Variants in TSHZ1 observed in about 807,000 individuals in gnomAD.
TSHZ1 encodes the protein teashirt zinc finger homeobox 1.
In TSHZ1, 12 loss-of-function variants were observed where a neutral mutation model predicts 67.1. The ratio of observed to expected loss-of-function variants is 0.18; its 90% CI spans 0.11 to 0.29. The LOEUF (loss-of-function observed/expected upper bound fraction) is 0.29, where lower values mean the gene tolerates loss of function less well. Ranked by LOEUF, TSHZ1 falls within the 10% of genes least tolerant of loss-of-function variation. TSHZ1 has a pLI of 1.00. For missense variants in TSHZ1, 1,305 were observed against 1,413.9 expected, an observed-to-expected ratio of 0.92 and a Z score of 1.23; for synonymous variants, 632 against 622.4, an observed-to-expected ratio of 1.02 and a Z score of -0.23.
At chr18:75,239,374 T>C (rs980166857) in intron 1 of TSHZ1, among the ~76,000 whole-genome samples, 1 of 152,260 alleles carries the variant, frequency 6.6e-6, no homozygotes, top group African/African-American at 2.4e-5. Context: ...GATTTCATTA[T>C]GGAAGAATAC....
In TSHZ1 at chr18:75,287,761, C is replaced by T. The variant is rs772759090; in HGVS notation, c.2354C>T (p.Pro785Leu). The part of the protein sequence containing the change: ...YKISNSMLDK[P>L]VYPATPVKQA... ...ATCAGCAACAGCATGCTGGACAAGC[C>T]GGTGTACCCCGCCACCCCTGTGAAG... Residue 785 changes from proline (P) to leucine (L), a missense_variant, in exon 2 of 2, where the codon CCG becomes CTG. Transcript: ENST00000580243. The surrounding 1 kb of genome is among the most constrained non-coding windows in gnomAD (Gnocchi z 5.0). 1.3e-5 allele frequency: 21 copies of T among 1,614,078 alleles called. No homozygotes were observed. The highest frequency in any genetic ancestry group is 9.9e-5 in the South Asian group (9 of 91,084).
chr18:75,274,734 A>G (rs990814361), intron 1 of TSHZ1, among the ~76,000 whole-genome samples: 1 of 152,066 alleles, frequency 6.6e-6, no homozygotes, highest in Non-Finnish European at 1.5e-5. Context: ...TGCCAAAGTA[A>G]TTTTTTTTAA....
At chr18:75,248,356 G>A (rs532059022) in intron 1 of TSHZ1, among the ~76,000 whole-genome samples, 2 of 152,308 alleles carry the variant, frequency 1.3e-5, no homozygotes, top group Admixed American at 1.3e-4. Flanking sequence ...GAAGGTGATC[G>A]AAGTGTATTC....
chr18:75,236,650 G>T (rs1414900944), intron 1 of TSHZ1, among the ~76,000 whole-genome samples: 2 of 152,128 alleles, frequency 1.3e-5, no homozygotes, highest in Non-Finnish European at 2.9e-5. Context: ...TTCATTGCCT[G>T]TACAGGTAGT....
In TSHZ1 at chr18:75,287,192, C is replaced by T. The variant is rs763243909; in HGVS notation, c.1785C>T (p.Ala595=). 23 of 1,613,338 alleles carry T rather than the reference C, an allele frequency of 1.4e-5. No individual in the cohort carries two copies. The highest frequency in any genetic ancestry group is 5.3e-5 in the African/African-American group (4 of 74,924). The change falls in exon 2 of 2, where the codon GCC becomes GCT. Residue 595 remains alanine, a synonymous_variant. Transcript: ENST00000580243. The surrounding 1 kb of genome is among the most constrained non-coding windows in gnomAD (Gnocchi z 5.0). ...LPGTVKPLPA[A]VQSVQVQPSY... is the part of the protein sequence containing the mutation. ...GCACCGTGAAGCCACTGCCGGCGGC[C>T]GTGCAGAGCGTGCAGGTGCAGCCGT...
At chr18:75,223,177 G>A (rs551165635) in intron 1 of TSHZ1, among the ~76,000 whole-genome samples, 8 of 152,148 alleles carry the variant, frequency 5.3e-5, no homozygotes, top group Admixed American at 1.3e-4. Flanking sequence ...GAGTGGAGGC[G>A]GTACAAGGGA....
chr18:75,212,940 T>C (rs1269048724), intron 1 of TSHZ1, among the ~76,000 whole-genome samples: 1 of 152,206 alleles, frequency 6.6e-6, no homozygotes, highest in African/African-American at 2.4e-5. Flanking sequence ...TGCCAGTGAG[T>C]TATCGCTAAA....
At chr18:75,260,722 A>G (rs757037651) in intron 1 of TSHZ1, among the ~76,000 whole-genome samples, 1 of 152,102 alleles carries the variant, frequency 6.6e-6, no homozygotes, top group Non-Finnish European at 1.5e-5. Context: ...GATGCTCCTC[A>G]GTTTTGCCTT....
chr18:75,277,884 A>G (rs571488266), intron 1 of TSHZ1, among the ~76,000 whole-genome samples: 8 of 152,336 alleles, frequency 5.3e-5, no homozygotes, highest in African/African-American at 1.4e-4. Flanking sequence ...CATTGTTCCA[A>G]TGGGGACAGT....
chr18:75,234,264 C>G (rs552092806), intron 1 of TSHZ1, among the ~76,000 whole-genome samples: 3 of 152,262 alleles, frequency 2.0e-5, no homozygotes, highest in Admixed American at 2.0e-4. Context: ...TCCCTGCGCA[C>G]CTACTCCCTG....
intron 1 of TSHZ1, among the ~76,000 whole-genome samples, chr18:75,266,643 A>G (rs1480688562): frequency 6.6e-6 from 1 of 152,224 alleles, no homozygotes; most frequent in African/African-American, 2.4e-5. Flanking sequence ...AAAATTGAAC[A>G]GCTTAAATTT....
Position 75,287,265 on chromosome 18 carries a change from C to G in TSHZ1, c.1858C>G (p.Leu620Val). 1 of 1,614,018 alleles carries G rather than the reference C, an allele frequency of 6.2e-7. No individual in the cohort carries two copies. Among genetic ancestry groups the G allele is most frequent in the Non-Finnish European group, 8.5e-7 (1 of 1,179,992 alleles). ...KSLSSAEHNALLHSPGSLTPP... is the reference protein window; with the variant it reads ...KSLSSAEHNAVLHSPGSLTPP... ...GCTGTCTTCCGCCGAGCACAACGCC[C>G]TCCTGCACTCCCCAGGGAGCCTCAC... Residue 620 changes from leucine (L) to valine (V), a missense_variant, in exon 2 of 2, where the codon CTC becomes GTC. Coordinates refer to ENST00000580243, the MANE Select transcript of TSHZ1 (RefSeq NM_001308210.2). This position sits in a 1 kb window ranked among gnomAD's most constrained non-coding sequence, Gnocchi z 5.0.
At chr18:75,214,029 A>G (rs1307204059) in intron 1 of TSHZ1, among the ~76,000 whole-genome samples, 1 of 152,206 alleles carries the variant, frequency 6.6e-6, no homozygotes, top group African/African-American at 2.4e-5. Flanking sequence ...GATTTCAAAA[A>G]TAGATTCCAT....
At chr18:75,259,977 G>C (rs1022009310) in intron 1 of TSHZ1, among the ~76,000 whole-genome samples, 1 of 152,244 alleles carries the variant, frequency 6.6e-6, no homozygotes, top group Non-Finnish European at 1.5e-5. Context: ...GAGTGTGTGT[G>C]ATGTCCCAGC....
chr18:75,253,680 A>G (rs2023330794), intron 1 of TSHZ1, among the ~76,000 whole-genome samples: 2 of 152,256 alleles, frequency 1.3e-5, no homozygotes, highest in Non-Finnish European at 2.9e-5. Context: ...AGGGGCTTAA[A>G]CACAATGAAA....
chr18:75,222,376 C>T (rs1479462251), intron 1 of TSHZ1, among the ~76,000 whole-genome samples: 3 of 152,128 alleles, frequency 2.0e-5, no homozygotes, highest in Non-Finnish European at 2.9e-5. Flanking sequence ...TGTCTTTTCT[C>T]CCTACTTTTC....
At chr18:75,251,667 G>T (rs780636741) in intron 1 of TSHZ1, among the ~76,000 whole-genome samples, 74 of 152,138 alleles carry the variant, frequency 4.9e-4, no homozygotes, top group Middle Eastern at 3.2e-3. Flanking sequence ...TAGTAACTGT[G>T]AAGTAGTGTT....
intron 1 of TSHZ1, among the ~76,000 whole-genome samples, chr18:75,251,855 T>C (rs1176195982): frequency 6.6e-6 from 1 of 152,268 alleles, no homozygotes; most frequent in Non-Finnish European, 1.5e-5. Flanking sequence ...AGGTGTTAAC[T>C]CATCGCTTTA....
rs554298567 is a variant in TSHZ1 at position 75,268,948 on chromosome 18, T to C, written c.41-16500T>C. ...ATGATTCCAGTTGATGTGTTGTTCC[T>C]ATTCACAGTCAAATCATTAGAGCCT... On this transcript the variant is annotated intron_variant, in intron 1 of 1. Coordinates refer to ENST00000580243, the MANE Select transcript of TSHZ1 (RefSeq NM_001308210.2). Among the ~76,000 whole-genome samples the C allele has an allele frequency of 7.2e-5, 11 of 152,346 alleles. No homozygotes were observed. In the South Asian group the frequency reaches 2.3e-3, roughly 32 times the overall value.
Sources: gnomAD v4.1 joint callset for allele counts (sites outside exome capture counted in the v4.1 genomes callset) on GRCh38, gnomAD v4.1.1 for gene constraint, Gnocchi (gnomAD v3.1) non-coding constraint, MANE v1.5 for transcripts, NCBI Gene and HGNC (gene_info 2026-07-23, HGNC 2026-07-21) for gene names.